The following CD99L2 variants were observed in gnomAD, a reference collection of about 807,000 sequenced individuals.
CD99L2 encodes CD99 molecule like 2.
Under a neutral mutation model 27.3 loss-of-function variants are expected in CD99L2, and 24 were observed. That is an observed-to-expected ratio of 0.88 (90% CI 0.64 to 1.24). CD99L2 has a LOEUF of 1.24. Among genes scored for constraint, CD99L2 ranks in the 50% most tolerant of loss-of-function variants. The probability of loss-of-function intolerance (pLI) is 0.00; values close to 1 mark genes in which losing one functional copy is unlikely to be tolerated. For missense variants in CD99L2, 255 were observed against 221.6 expected, an observed-to-expected ratio of 1.15 and a Z score of -0.96; for synonymous variants, 97 against 87.9, an observed-to-expected ratio of 1.10 and a Z score of -0.58.
chrX:150,837,574 A>G (rs376910104), intron 1 of CD99L2, among the ~76,000 whole-genome samples: 2 of 112,355 alleles, frequency 1.8e-5, no homozygotes, highest in African/African-American at 6.5e-5. Context: ...AATCACATCA[A>G]TTGGTATCTG....
intron 7 of CD99L2, among the ~76,000 whole-genome samples, chrX:150,792,355 T>C (rs1212150451): frequency 8.9e-6 from 1 of 112,172 alleles, no homozygotes; most frequent in Non-Finnish European, 1.9e-5. Flanking sequence ...CATTTCACCA[T>C]CTGGAAATAC....
In CD99L2 at chrX:150,795,517, G is replaced by C. The variant is rs199722899; in HGVS notation, c.278-31C>G. On this transcript the variant is annotated intron_variant, in intron 4 of 10. Coordinates refer to ENST00000370377, the MANE Select transcript of CD99L2 (RefSeq NM_031462.4). ...AGGGGAAGGGAGGACAGCAAAGGGA[G>C]CACATTTAGGAACAAAATGCAGCAG... 4.4e-5 allele frequency: 52 copies of C among 1,180,476 alleles called. No homozygotes were observed. In the East Asian group the frequency reaches 1.5e-3, roughly 35 times the overall value.
intron 1 of CD99L2, among the ~76,000 whole-genome samples, chrX:150,882,656 C>T (rs1225784100): frequency 9.0e-6 from 1 of 111,108 alleles, no homozygotes; most frequent in Non-Finnish European, 1.9e-5. Context: ...GACTGGGCAA[C>T]AAGAGCCAGA....
At chrX:150,855,020 C>G (rs553117203) in intron 1 of CD99L2, among the ~76,000 whole-genome samples, 1 of 110,961 alleles carries the variant, frequency 9.0e-6, no homozygotes, top group African/African-American at 3.3e-5. Flanking sequence ...CCTGAGCAAT[C>G]GTGAGGAAGT....
chrX:150,860,316 C>T (rs112352665), intron 1 of CD99L2, among the ~76,000 whole-genome samples: 3 of 147 alleles, frequency 0.02, no homozygotes, highest in African/African-American at 0.038. Context: ...AAGAAACATA[C>T]GTTCAAAATA....
chrX:150,799,679 C>G (rs1557420036), intron 4 of CD99L2, among the ~76,000 whole-genome samples: 3 of 111,767 alleles, frequency 2.7e-5, no homozygotes, highest in African/African-American at 3.3e-5. Context: ...AATGAGATAC[C>G]AGTTTGCACC....
chrX:150,811,780 G>A (rs1371540025), intron 4 of CD99L2, among the ~76,000 whole-genome samples: 4 of 111,599 alleles, frequency 3.6e-5, no homozygotes, highest in Admixed American at 9.6e-5. Context: ...ACATTCACAG[G>A]CAAGCAAGCG....
At chrX:150,813,631 G>T (rs782427662) in intron 4 of CD99L2, among the ~76,000 whole-genome samples, 2 of 111,650 alleles carry the variant, frequency 1.8e-5, no homozygotes, top group Non-Finnish European at 3.8e-5. Flanking sequence ...ATGAGAGCAC[G>T]ACCTTTTAAT....
At chrX:150,801,672 T>A (rs1650040205) in intron 4 of CD99L2, among the ~76,000 whole-genome samples, 1 of 110,493 alleles carries the variant, frequency 9.1e-6, no homozygotes, top group South Asian at 3.8e-4. Context: ...ACATGCCAAA[T>A]CTTCAACAAA....
At chrX:150,780,446 T>C (rs782682428) in intron 7 of CD99L2, among the ~76,000 whole-genome samples, 6 of 112,094 alleles carry the variant, frequency 5.4e-5, no homozygotes, top group Non-Finnish European at 9.4e-5. Flanking sequence ...ATTCCATTTC[T>C]AGATATATAC....
intron 1 of CD99L2, among the ~76,000 whole-genome samples, chrX:150,856,915 T>C (rs1453089470): frequency 1.8e-5 from 2 of 109,692 alleles, no homozygotes; most frequent in African/African-American, 6.6e-5. Context: ...GAGACAGATA[T>C]AAAAATGAAC....
intron 1 of CD99L2, among the ~76,000 whole-genome samples, chrX:150,889,998 A>C (rs1308228419): frequency 9.2e-6 from 1 of 109,079 alleles, no homozygotes; most frequent in African/African-American, 3.3e-5. Context: ...TAAAAATACA[A>C]AAAAATTAGC....
intron 1 of CD99L2, among the ~76,000 whole-genome samples, chrX:150,875,824 C>T (rs1415478215): frequency 1.8e-5 from 2 of 112,119 alleles, no homozygotes; most frequent in Non-Finnish European, 3.8e-5. Flanking sequence ...TTGCCTGCCA[C>T]CATCCATGTA....
At chrX:150,885,497 A>C (rs1262712303) in intron 1 of CD99L2, among the ~76,000 whole-genome samples, 1 of 112,444 alleles carries the variant, frequency 8.9e-6, no homozygotes, top group Admixed American at 9.5e-5. Flanking sequence ...ATAATGTGAA[A>C]TACATATTTC....
At chrX:150,816,215 C>T in intron 2 of CD99L2, 137 bp from the exon 3 acceptor site, 1 of 536,072 alleles carries the variant, frequency 1.9e-6, no homozygotes, top group East Asian at 3.3e-5. Context: ...CTAGGAGCTC[C>T]AGAGAATCAC....
At chrX:150,881,058 C>CGAGAGGGAGCTAGAGCGAGT (rs1297983088) in intron 1 of CD99L2, among the ~76,000 whole-genome samples, 18 of 111,291 alleles carry the variant, frequency 1.6e-4, no homozygotes, top group African/African-American at 5.6e-4. Flanking sequence ...TTCCTCCTAG[C>CGAGAGGGAGCTAGAGCGAGT]GAGAGGGAGC....
chrX:150,838,349 T>G (rs933405876), intron 1 of CD99L2, among the ~76,000 whole-genome samples: 1 of 111,768 alleles, frequency 8.9e-6, no homozygotes, highest in Non-Finnish European at 1.9e-5. Context: ...GAAATCTGAA[T>G]AAAGTATAGA....
chrX:150,805,856 T>G (rs1225164323), intron 4 of CD99L2, among the ~76,000 whole-genome samples: 2 of 111,591 alleles, frequency 1.8e-5, no homozygotes, highest in African/African-American at 6.5e-5. Context: ...GAGAACAAAT[T>G]AATGGTTGTC....
At chrX:150,841,362 T>C (rs1358574739) in intron 1 of CD99L2, among the ~76,000 whole-genome samples, 1 of 112,500 alleles carries the variant, frequency 8.9e-6, no homozygotes, top group Non-Finnish European at 1.9e-5. Context: ...ACAGGGAAAC[T>C]GGTAACAGTA....
Sources: allele counts gnomAD v4.1 joint callset (sites outside exome capture counted in the v4.1 genomes callset), GRCh38; gene constraint gnomAD v4.1.1; transcripts MANE v1.5; gene names NCBI Gene and HGNC (gene_info 2026-07-23, HGNC 2026-07-21).